The following SMOC2 variants were observed in gnomAD, a reference collection of about 807,000 sequenced individuals.
SMOC2 encodes SPARC-related modular calcium-binding protein 2.
In SMOC2, 39 loss-of-function variants were observed where a neutral mutation model predicts 61.4. The observed-to-expected ratio is 0.64, with a 90% confidence interval of 0.49 to 0.83. SMOC2 has a LOEUF of 0.83. Among genes scored for constraint, SMOC2 ranks in the 40% least tolerant of loss-of-function variants. The pLI is 0.00. For synonymous variants in SMOC2, 247 were observed against 239.9 expected, an observed-to-expected ratio of 1.03 and a Z score of -0.27; for missense variants, 556 against 592.9, an observed-to-expected ratio of 0.94 and a Z score of 0.65.
intron 7 of SMOC2, among the ~76,000 whole-genome samples, chr6:168,552,050 CATTGAGTTG>C (rs1350553262): frequency 1.3e-5 from 2 of 152,120 alleles, no homozygotes; most frequent in Non-Finnish European, 2.9e-5. Context: ...GAAAAGATGG[CATTGAGTTG>C]ATTTACAGAC....
intron 7 of SMOC2, among the ~76,000 whole-genome samples, chr6:168,591,635 T>C (rs1244455750): frequency 1.3e-5 from 2 of 148,888 alleles, no homozygotes; most frequent in African/African-American, 4.9e-5. Context: ...ATAATTAATA[T>C]AATACTATAA....
intron 4 of SMOC2, among the ~76,000 whole-genome samples, chr6:168,529,401 G>A (rs55854635): frequency 2.0e-5 from 3 of 152,308 alleles, no homozygotes; most frequent in Non-Finnish European, 4.4e-5. Context: ...TCTGTGAGGG[G>A]GGGCAGTGTT....
chr6:168,528,961 G>A (rs1451996267), intron 4 of SMOC2, among the ~76,000 whole-genome samples: 2 of 152,260 alleles, frequency 1.3e-5, no homozygotes, highest in Admixed American at 6.5e-5. Flanking sequence ...AGCATTTTGA[G>A]GTGAGCCTTG....
intron 11 of SMOC2, among the ~76,000 whole-genome samples, chr6:168,659,550 G>T (rs1472379906): frequency 5.4e-5 from 3 of 55,996 alleles, no homozygotes; most frequent in South Asian, 5.9e-4. Context: ...TGTTGGCTGG[G>T]TGAGGATGGA....
At chr6:168,661,300 C>A (rs916230909) in intron 11 of SMOC2, among the ~76,000 whole-genome samples, 4 of 152,120 alleles carry the variant, frequency 2.6e-5, no homozygotes, top group Non-Finnish European at 4.4e-5. Flanking sequence ...CTGAACAATG[C>A]GCTTTTTATT....
intron 7 of SMOC2, among the ~76,000 whole-genome samples, 178 bp from the exon 8 acceptor site, chr6:168,598,640 C>T (rs112498383): frequency 6.6e-6 from 1 of 152,164 alleles, no homozygotes; most frequent in Non-Finnish European, 1.5e-5. Context: ...GCTGCGGGAA[C>T]TGGAGCCATG....
chr6:168,584,280 T>G (rs1408863988), intron 7 of SMOC2, among the ~76,000 whole-genome samples: 2 of 152,252 alleles, frequency 1.3e-5, no homozygotes, highest in East Asian at 3.8e-4. Context: ...AGTGGGAATC[T>G]GAGTTCTTCC....
chr6:168,644,816 A>G (rs893220791), intron 9 of SMOC2, among the ~76,000 whole-genome samples: 1 of 151,618 alleles, frequency 6.6e-6, no homozygotes, highest in Non-Finnish European at 1.5e-5. Flanking sequence ...TGGCTGGCTA[A>G]TTTTTGTAGT....
chr6:168,637,901 C>T (rs1346319456), intron 9 of SMOC2, among the ~76,000 whole-genome samples: 1 of 151,764 alleles, frequency 6.6e-6, no homozygotes, highest in African/African-American at 2.4e-5. Flanking sequence ...TTTCCCAGGG[C>T]GTGCTGTATG....
chr6:168,613,561 G>A (rs1380459395), intron 9 of SMOC2, among the ~76,000 whole-genome samples: 1 of 152,130 alleles, frequency 6.6e-6, no homozygotes, highest in Non-Finnish European at 1.5e-5. Flanking sequence ...CAGACTTCAT[G>A]AATGGTCAAG....
chr6:168,620,944 A>G (rs766514768), intron 9 of SMOC2, among the ~76,000 whole-genome samples: 2 of 149,820 alleles, frequency 1.3e-5, no homozygotes, highest in African/African-American at 5.1e-5. Context: ...GCCGCGTGTC[A>G]AACTCCTTGG....
At chr6:168,624,463 T>G (rs1277858058) in intron 9 of SMOC2, among the ~76,000 whole-genome samples, 1 of 152,208 alleles carries the variant, frequency 6.6e-6, no homozygotes, top group African/African-American at 2.4e-5. Context: ...AGAAGAGAAT[T>G]GTTATGAAGT....
Position 168,648,393 on chromosome 6 carries a change from G to A in SMOC2, c.908-2288G>A, listed in dbSNP as rs1048457490. Among the ~76,000 whole-genome samples the A allele has an allele frequency of 9.8e-5, 15 of 152,334 alleles. 1 individual carries two copies. Among genetic ancestry groups the A allele is most frequent in the Non-Finnish European group, 1.5e-5 (1 of 68,030 alleles). ...TCTGCCCACGTGTTCCCGAGCCTGT[G>A]CCCTGGAGGCATTTTCAGCCCTCCA... On this transcript the variant is annotated intron_variant, in intron 9 of 12. Coordinates refer to ENST00000356284, the MANE Select transcript of SMOC2 (RefSeq NM_001166412.2).
At chr6:168,491,892 C>G (rs755688991) in intron 1 of SMOC2, among the ~76,000 whole-genome samples, 1 of 152,176 alleles carries the variant, frequency 6.6e-6, no homozygotes, top group African/African-American at 2.4e-5. Flanking sequence ...GGAATAAGTG[C>G]AGGTATCGCT....
intron 5 of SMOC2, 161 bp from the exon 6 acceptor site, chr6:168,546,958 C>A: frequency 1.2e-6 from 1 of 814,586 alleles, no homozygotes; most frequent in Non-Finnish European, 2.1e-6. Flanking sequence ...TCATTCCAGC[C>A]GCAGCTGCAG....
chr6:168,528,788 G>T (rs1343681015), intron 4 of SMOC2, among the ~76,000 whole-genome samples: 1 of 152,166 alleles, frequency 6.6e-6, no homozygotes, highest in Non-Finnish European at 1.5e-5. Flanking sequence ...AAATAGTGCT[G>T]GAAATATATC....
chr6:168,655,467 A>G, intron 11 of SMOC2: 1 of 455,032 alleles, frequency 2.2e-6, no homozygotes, highest in Non-Finnish European at 4.4e-6. Flanking sequence ...GCCGGGTCTG[A>G]CTTTTCAGCT....
At chr6:168,576,568 G>A (rs1025575946) in intron 7 of SMOC2, among the ~76,000 whole-genome samples, 1 of 152,060 alleles carries the variant, frequency 6.6e-6, no homozygotes, top group African/African-American at 2.4e-5. Context: ...TCTGAGAATG[G>A]CTGGTCTAAC....
intron 4 of SMOC2, 24 bp downstream of exon 4, chr6:168,527,751 G>A: frequency 9.6e-6 from 14 of 1,456,038 alleles, no homozygotes; most frequent in Non-Finnish European, 1.3e-5. Context: ...GCCTTTCCAA[G>A]TGGAAGGCTT....
Sources: gnomAD v4.1 joint callset for allele counts (sites outside exome capture counted in the v4.1 genomes callset) on GRCh38, gnomAD v4.1.1 for gene constraint, MANE v1.5 for transcripts, NCBI Gene and HGNC (gene_info 2026-07-23, HGNC 2026-07-21) for gene names.